LIMCH1: variants seen among roughly 807,000 people sequenced by gnomAD.
The protein encoded by LIMCH1 is LIM and calponin homology domains-containing protein 1.
A neutral mutation model predicts 176.5 loss-of-function variants in LIMCH1; 113 were observed. The ratio of observed to expected loss-of-function variants is 0.64; its 90% CI spans 0.55 to 0.75. The LOEUF (loss-of-function observed/expected upper bound fraction) is 0.75. Ranked by LOEUF, LIMCH1 falls within the 30% of genes least tolerant of loss-of-function variation. The probability of loss-of-function intolerance (pLI) is 0.00; values close to 1 mark genes in which losing one functional copy is unlikely to be tolerated. For synonymous variants in LIMCH1, 619 were observed against 645.9 expected, an observed-to-expected ratio of 0.96 and a Z score of 0.63; for missense variants, 1,674 against 1,814.9, an observed-to-expected ratio of 0.92 and a Z score of 1.41.
At chr4:41,575,831 G>T (rs2084376206) in intron 1 of LIMCH1, among the ~76,000 whole-genome samples, 2 of 152,184 alleles carry the variant, frequency 1.3e-5, no homozygotes, top group Admixed American at 1.3e-4. Flanking sequence ...TCTTATAGGA[G>T]ATTCCCCTAT....
At chr4:41,679,595 T>C (rs1223896863) in intron 23 of LIMCH1, among the ~76,000 whole-genome samples, 1 of 152,210 alleles carries the variant, frequency 6.6e-6, no homozygotes, top group Non-Finnish European at 1.5e-5. Context: ...TAATAAACCT[T>C]CAGGGTTTTT....
At chr4:41,572,229 C>T (rs1044070291) in intron 1 of LIMCH1, among the ~76,000 whole-genome samples, 4 of 152,154 alleles carry the variant, frequency 2.6e-5, no homozygotes, top group Non-Finnish European at 5.9e-5. Flanking sequence ...AGACAATGAT[C>T]TTGCAAGTGC....
intron 1 of LIMCH1, among the ~76,000 whole-genome samples, chr4:41,434,803 C>CACCAT (rs1326929730): frequency 1.3e-5 from 2 of 152,254 alleles, no homozygotes; most frequent in Non-Finnish European, 2.9e-5. Flanking sequence ...AGGCGTGAGC[C>CACCAT]ACCATACCCA....
chr4:41,425,282 A>G (rs1339898140), intron 1 of LIMCH1, among the ~76,000 whole-genome samples: 2 of 152,186 alleles, frequency 1.3e-5, no homozygotes, highest in East Asian at 3.8e-4. Context: ...ATCCTGTCTC[A>G]TCTATTTCTT....
chr4:41,367,154 G>A (rs751694594), intron 1 of LIMCH1, among the ~76,000 whole-genome samples: 23 of 152,168 alleles, frequency 1.5e-4, no homozygotes, highest in Non-Finnish European at 3.2e-4. Context: ...CCTGACATGT[G>A]GGGATTACAA....
intron 1 of LIMCH1, among the ~76,000 whole-genome samples, chr4:41,546,891 C>A (rs116009072): frequency 3.4e-3 from 521 of 152,078 alleles, no homozygotes; most frequent in Middle Eastern, 0.02. Flanking sequence ...GAGGTTGAGA[C>A]CGAGATTGAG....
chr4:41,494,036 A>G (rs897342317), intron 1 of LIMCH1, among the ~76,000 whole-genome samples: 5 of 152,122 alleles, frequency 3.3e-5, no homozygotes, highest in Non-Finnish European at 7.3e-5. Context: ...GAAAGTGTGC[A>G]TGGGGTGGAT....
intron 1 of LIMCH1, among the ~76,000 whole-genome samples, chr4:41,542,365 C>CT (rs35009708): frequency 1.8e-4 from 25 of 137,942 alleles, no homozygotes; most frequent in South Asian, 1.1e-3. Context: ...TCTTTCTTTT[C>CT]TTTTTTTTTT....
In LIMCH1 at chr4:41,633,034, A is replaced by G; in HGVS notation, c.1778A>G (p.Asp593Gly). The change falls in exon 12 of 32, where the codon GAT (aspartate) becomes GGT (glycine). Residue 593 changes from aspartate (D) to glycine (G), a missense_variant. Physicochemically the swap from Asp to Gly is moderately conservative, Grantham distance 94 (BLOSUM62 -1). Coordinates refer to ENST00000503057, the MANE Select transcript of LIMCH1 (RefSeq NM_001330672.2). ...GKEETESAPRDSERLSKAERS... is the reference protein window; with the variant it reads ...GKEETESAPRGSERLSKAERS... ...GAAGAAACAGAAAGCGCTCCAAGAG[A>G]TTCTGAGAGGCTGTCAAAGGCAGAA... 1.3e-6 allele frequency: 2 copies of G among 1,536,046 alleles called. No homozygotes were observed. Among genetic ancestry groups the G allele is most frequent in the Non-Finnish European group, 8.7e-7 (1 of 1,146,918 alleles).
chr4:41,487,411 G>T (rs1056439839), intron 1 of LIMCH1, among the ~76,000 whole-genome samples: 9 of 152,290 alleles, frequency 5.9e-5, no homozygotes, highest in African/African-American at 1.9e-4. Flanking sequence ...AGAGGAGGAG[G>T]AACAGAGGTG....
intron 1 of LIMCH1, among the ~76,000 whole-genome samples, chr4:41,386,793 C>T (rs1273321821): frequency 6.6e-6 from 1 of 152,182 alleles, no homozygotes; most frequent in Non-Finnish European, 1.5e-5. Flanking sequence ...ATCTAAGGGA[C>T]AGCCTAGGTA....
At chr4:41,619,749 A>G (rs1293239319) in intron 6 of LIMCH1, 13 of 389,724 alleles carry the variant, frequency 3.3e-5, no homozygotes, top group Admixed American at 2.7e-4. Flanking sequence ...CCTTCTGCGG[A>G]GACTGCTTGA....
At chr4:41,530,910 G>A (rs1484783556) in intron 3 of LIMCH1, among the ~76,000 whole-genome samples, 5 of 134,960 alleles carry the variant, frequency 3.7e-5, no homozygotes, top group South Asian at 2.3e-4. Flanking sequence ...TAACCATCAC[G>A]TATCACATTC....
At position 41,626,991 on chromosome 4, in the gene LIMCH1, A is replaced by AG; in HGVS notation, c.1010dup (p.Ser338LysfsTer5). 1.3e-6 allele frequency: 2 copies of AG among 1,534,056 alleles called. No homozygotes were observed. The highest frequency in any genetic ancestry group is 1.7e-6 in the Non-Finnish European group (2 of 1,146,718). The stretch of plus-strand genomic sequence containing the variant: ...GCTCTCAAAGGGAATCTCAAAAAAA[A>AG]GAAGTCTAGAATATAAAAGGTGTGC... On this transcript the variant is annotated frameshift_variant, in exon 8 of 32. Coordinates refer to ENST00000503057, the MANE Select transcript of LIMCH1 (RefSeq NM_001330672.2). LOFTEE classifies it high-confidence loss of function.
chr4:41,509,929 T>G (rs1413931909), intron 2 of LIMCH1, among the ~76,000 whole-genome samples: 3 of 152,250 alleles, frequency 2.0e-5, no homozygotes, highest in African/African-American at 7.2e-5. Flanking sequence ...TGTGTGCACT[T>G]GAGCATCTTG....
At chr4:41,378,347 T>C (rs372792703) in intron 1 of LIMCH1, among the ~76,000 whole-genome samples, 5 of 152,328 alleles carry the variant, frequency 3.3e-5, no homozygotes, top group African/African-American at 1.2e-4. Flanking sequence ...GGGGAAGTTA[T>C]TTGGCCTCTC....
At chr4:41,662,800 C>T in intron 19 of LIMCH1, 21 bp from the exon 20 acceptor site, 2 of 1,613,418 alleles carry the variant, frequency 1.2e-6, no homozygotes, top group Non-Finnish European at 1.7e-6. Flanking sequence ...CTGTACGTTT[C>T]TGGATGTAAC....
At chr4:41,610,087 A>G (rs2091247625) in intron 4 of LIMCH1, among the ~76,000 whole-genome samples, 5 of 152,322 alleles carry the variant, frequency 3.3e-5, no homozygotes, top group Admixed American at 2.6e-4. Context: ...ACTTGGTCCA[A>G]GGTTTGATTC....
chr4:41,640,716 C>T (rs1211095247), intron 14 of LIMCH1, among the ~76,000 whole-genome samples: 1 of 151,992 alleles, frequency 6.6e-6, no homozygotes, highest in Non-Finnish European at 1.5e-5. Flanking sequence ...TAGTTTATTC[C>T]CTTAATATCT....
Sources: gnomAD v4.1 joint callset for allele counts (sites outside exome capture counted in the v4.1 genomes callset) on GRCh38, gnomAD v4.1.1 for gene constraint, MANE v1.5 for transcripts, NCBI Gene and HGNC (gene_info 2026-07-23, HGNC 2026-07-21) for gene names.